Variants in NFIL3 observed in about 807,000 individuals in gnomAD.
The protein encoded by NFIL3 is nuclear factor, interleukin 3 regulated.
In NFIL3, 5 loss-of-function variants were observed where a neutral mutation model predicts 10.0. The observed-to-expected ratio is 0.50, with a 90% CI of 0.26 to 1.06. The LOEUF is 1.06. NFIL3 is among the 50% of genes least tolerant of loss of function. The pLI is 0.13. For synonymous variants in NFIL3, 202 were observed against 206.5 expected (o/e 0.98, Z 0.19); for missense variants, 436 against 547.6 (o/e 0.80, Z 2.03).
At chr9:91,427,500 G>A (rs1833883813), upstream of NFIL3, among the ~76,000 whole-genome samples, 1 of 152,142 alleles carries the variant, frequency 6.6e-6, no homozygotes, top group African/African-American at 2.4e-5. Context: ...CCTGCATCAG[G>A]GCTCCTGTGT....
chr9:91,412,601 T>G (rs1833574327), intron 1 of NFIL3, among the ~76,000 whole-genome samples: 1 of 152,086 alleles, frequency 6.6e-6, no homozygotes. Context: ...CCCAGCACTT[T>G]GGGAGGCCGA....
rs779579544 is a variant in NFIL3, at chr9:91,409,603, GAGA to G, written c.1129_1131del (p.Ser377del). 1.2e-6 allele frequency: 2 copies of G among 1,614,232 alleles called. No homozygotes were observed. Among genetic ancestry groups the G allele is most frequent in the Non-Finnish European group, 1.7e-6 (2 of 1,180,022 alleles). ...GTCACTTGCACTGAGAAAGGAGTAAGAGAAGAATGTACCATACTTGGGGCACTA... is the reference window on the plus strand; with the variant it reads ...GTCACTTGCACTGAGAAAGGAGTAAGAGAATGTACCATACTTGGGGCACTA... On this transcript the variant is annotated inframe_deletion, in exon 2 of 2. Coordinates refer to ENST00000297689, the MANE Select transcript of NFIL3 (RefSeq NM_005384.3).
the NFIL3 span, among the ~76,000 whole-genome samples, chr9:91,453,530 A>G: frequency 6.6e-6 from 1 of 152,076 alleles, no homozygotes; most frequent in South Asian, 2.1e-4. Context: ...ATTTTTTCCC[A>G]ACATATTTCA....
the NFIL3 span, among the ~76,000 whole-genome samples, chr9:91,439,587 T>C: frequency 6.6e-6 from 1 of 152,174 alleles, no homozygotes; most frequent in South Asian, 2.1e-4. Context: ...TGCCTTGTAC[T>C]GGACCTTGGT....
intron 1 of NFIL3, among the ~76,000 whole-genome samples, chr9:91,422,467 GA>G (rs5899128): frequency 0.96 from 143,793 of 149,724 alleles, 69,085 homozygotes; most frequent in East Asian, 0.99. Flanking sequence ...TATCCTTAAG[GA>G]AAAAAAAAAA....
the NFIL3 span, among the ~76,000 whole-genome samples, chr9:91,446,595 C>G: frequency 6.6e-5 from 10 of 152,268 alleles, no homozygotes; most frequent in South Asian, 1.0e-3. Context: ...AACTCTGTAA[C>G]CATAAACAAT....
chr9:91,475,731 T>C, the NFIL3 span, among the ~76,000 whole-genome samples: 2 of 152,192 alleles, frequency 1.3e-5, no homozygotes, highest in Non-Finnish European at 2.9e-5. Flanking sequence ...ATGTTGGAAA[T>C]GAGAAAGGCC....
chr9:91,441,625 C>T, the NFIL3 span, among the ~76,000 whole-genome samples: 1 of 152,144 alleles, frequency 6.6e-6, no homozygotes, highest in Non-Finnish European at 1.5e-5. Flanking sequence ...TTCTGTAATG[C>T]TAAGCTTTGA....
At chr9:91,426,874 A>G (rs1833878320), upstream of NFIL3, 1 of 152,192 alleles carries the variant, frequency 6.6e-6, no homozygotes, top group South Asian at 2.1e-4. Context: ...GGCCATATAT[A>G]TATCCCAGGG....
chr9:91,473,879 A>T, the NFIL3 span, among the ~76,000 whole-genome samples: 1 of 152,232 alleles, frequency 6.6e-6, no homozygotes, highest in African/African-American at 2.4e-5. Flanking sequence ...TAAATAGACA[A>T]TCATGTCATC....
chr9:91,458,798 G>A, the NFIL3 span, among the ~76,000 whole-genome samples: 2 of 152,066 alleles, frequency 1.3e-5, no homozygotes, highest in African/African-American at 4.8e-5. Flanking sequence ...TTGAGGCCTG[G>A]AATTTTGAAG....
At chr9:91,426,439 C>T (rs1330176843), upstream of NFIL3, 1 of 152,094 alleles carries the variant, frequency 6.6e-6, no homozygotes, top group Non-Finnish European at 1.5e-5. Flanking sequence ...AGCATAAAAA[C>T]CTAAGATATT....
chr9:91,455,674 A>G, the NFIL3 span, among the ~76,000 whole-genome samples: 6 of 152,190 alleles, frequency 3.9e-5, no homozygotes, highest in African/African-American at 9.7e-5. Context: ...TAATTGGTAC[A>G]TGATAAACTT....
the NFIL3 span, among the ~76,000 whole-genome samples, chr9:91,431,359 C>T: frequency 6.6e-6 from 1 of 152,152 alleles, no homozygotes; most frequent in Non-Finnish European, 1.5e-5. Flanking sequence ...CACAATAGTA[C>T]TTTACATATG....
At chr9:91,471,527 T>C in the NFIL3 span, among the ~76,000 whole-genome samples, 6 of 151,442 alleles carry the variant, frequency 4.0e-5, no homozygotes, top group African/African-American at 1.5e-4. Flanking sequence ...TTTATTATTA[T>C]TATACTTTAA....
At chr9:91,467,928 G>A in the NFIL3 span, among the ~76,000 whole-genome samples, 1 of 152,040 alleles carries the variant, frequency 6.6e-6, no homozygotes, top group Non-Finnish European at 1.5e-5. Context: ...TTTTAATCCA[G>A]TCTATCACTG....
chr9:91,435,386 T>A, the NFIL3 span, among the ~76,000 whole-genome samples: 1 of 152,144 alleles, frequency 6.6e-6, no homozygotes, highest in African/African-American at 2.4e-5. Flanking sequence ...TCTTTCACCA[T>A]CAAATTTTAT....
chr9:91,465,517 A>G, the NFIL3 span, among the ~76,000 whole-genome samples: 4 of 150,866 alleles, frequency 2.7e-5, no homozygotes, highest in South Asian at 2.1e-4. Context: ...CCTTTACTCT[A>G]TTTTTCCCAT....
chr9:91,447,820 C>G, the NFIL3 span, among the ~76,000 whole-genome samples: 1 of 152,132 alleles, frequency 6.6e-6, no homozygotes, highest in Non-Finnish European at 1.5e-5. Flanking sequence ...CTTTGATGCA[C>G]AAAAGTTTTT....
Sources: allele counts gnomAD v4.1 joint callset (sites outside exome capture counted in the v4.1 genomes callset), GRCh38; gene constraint gnomAD v4.1.1; transcripts MANE v1.5; gene names NCBI Gene and HGNC (gene_info 2026-07-23, HGNC 2026-07-21).